THSD7A: variants seen among roughly 807,000 people sequenced by gnomAD.
THSD7A encodes thrombospondin type 1 domain containing 7A.
In THSD7A, 96 loss-of-function variants were observed where a neutral mutation model predicts 231.3. The observed-to-expected ratio is 0.41, with a 90% CI of 0.35 to 0.49. THSD7A has a LOEUF of 0.49. Among genes scored for constraint, THSD7A ranks in the 20% least tolerant of loss-of-function variants. The pLI is 0.05. For synonymous variants in THSD7A, 940 were observed against 743.3 expected (o/e 1.26, Z -4.30); for missense variants, 2,290 against 2,070.2 (o/e 1.11, Z -2.06).
intron 1 of THSD7A, among the ~76,000 whole-genome samples, chr7:11,712,205 T>C (rs1271608044): frequency 6.6e-6 from 1 of 151,072 alleles, no homozygotes; most frequent in Non-Finnish European, 1.5e-5. Flanking sequence ...GACAGCATGA[T>C]GCAAAATTAC....
At chr7:11,562,108 C>A (rs1790101756) in intron 4 of THSD7A, among the ~76,000 whole-genome samples, 1 of 152,132 alleles carries the variant, frequency 6.6e-6, no homozygotes. Context: ...AGTGCAGAAT[C>A]TGGTAGAGAT....
intron 17 of THSD7A, 59 bp from the exon 18 acceptor site, chr7:11,412,859 A>G: frequency 6.4e-7 from 1 of 1,558,776 alleles, no homozygotes; most frequent in South Asian, 1.2e-5. Flanking sequence ...CAACTGGTAT[A>G]TTAGAGACAG....
chr7:11,470,139 A>G, intron 8 of THSD7A, 145 bp from the exon 9 acceptor site: 1 of 640,620 alleles, frequency 1.6e-6, no homozygotes. Context: ...TCTTTCTGCT[A>G]CAGGCAAGAA....
chr7:11,705,324 A>G (rs1780729316), intron 1 of THSD7A, among the ~76,000 whole-genome samples: 1 of 151,096 alleles, frequency 6.6e-6, no homozygotes, highest in Non-Finnish European at 1.5e-5. Context: ...GAAATATAAT[A>G]TACAAAACTC....
chr7:11,382,679 T>A (rs527305978), intron 23 of THSD7A, 63 bp from the exon 24 acceptor site: 2 of 1,201,320 alleles, frequency 1.7e-6, no homozygotes, highest in South Asian at 1.3e-5. Context: ...ATCATGGGGA[T>A]AGAGTATTAA....
At chr7:11,666,185 C>T (rs551224995) in intron 1 of THSD7A, among the ~76,000 whole-genome samples, 62 of 151,584 alleles carry the variant, frequency 4.1e-4, no homozygotes, top group African/African-American at 1.1e-3. Flanking sequence ...TGCTTGGAGC[C>T]GGAGGTGTTT....
intron 1 of THSD7A, among the ~76,000 whole-genome samples, chr7:11,818,642 A>G (rs1229076772): frequency 2.6e-5 from 4 of 152,214 alleles, no homozygotes; most frequent in Non-Finnish European, 5.9e-5. Flanking sequence ...AAAGCAAGGA[A>G]AAGTAGATAT....
intron 1 of THSD7A, among the ~76,000 whole-genome samples, chr7:11,752,299 T>G (rs1459194697): frequency 2.6e-5 from 4 of 152,032 alleles, no homozygotes; most frequent in African/African-American, 9.7e-5. Flanking sequence ...GCCTCAGTAT[T>G]TTTCCATGCC....
At chr7:11,751,097 C>A (rs1446725435) in intron 1 of THSD7A, 2 of 152,038 alleles carry the variant, frequency 1.3e-5, no homozygotes, top group Non-Finnish European at 2.9e-5. Flanking sequence ...TGGCAAAGAA[C>A]AAGAAATACC....
At chr7:11,726,061 T>C (rs756716424) in intron 1 of THSD7A, among the ~76,000 whole-genome samples, 1 of 152,020 alleles carries the variant, frequency 6.6e-6, no homozygotes, top group African/African-American at 2.4e-5. Flanking sequence ...ATTTAAAAAA[T>C]AATTTACTTT....
At chr7:11,470,086 A>C in intron 8 of THSD7A, 92 bp from the exon 9 acceptor site, 1 of 865,420 alleles carries the variant, frequency 1.2e-6, no homozygotes, top group Admixed American at 2.1e-5. Flanking sequence ...GTAAAATTGC[A>C]AAACAAGTCA....
At chr7:11,427,407 C>T (rs1019174589) in intron 14 of THSD7A, among the ~76,000 whole-genome samples, 4 of 151,986 alleles carry the variant, frequency 2.6e-5, no homozygotes, top group African/African-American at 9.7e-5. Flanking sequence ...CAACCGATAC[C>T]AAGTCACAAT....
intron 14 of THSD7A, 131 bp from the exon 15 acceptor site, chr7:11,426,802 G>A (rs1784335468): frequency 1.1e-6 from 1 of 900,452 alleles, no homozygotes; most frequent in Non-Finnish European, 1.6e-6. Context: ...TACTTTTTTG[G>A]TAAAATATTA....
chr7:11,698,329 T>G (rs1780465433), intron 1 of THSD7A, among the ~76,000 whole-genome samples: 1 of 151,364 alleles, frequency 6.6e-6, no homozygotes, highest in East Asian at 2.0e-4. Flanking sequence ...AGTGAAGTTT[T>G]TTTTTTCATT....
chr7:11,580,891 A>T (rs1791130457), intron 4 of THSD7A, among the ~76,000 whole-genome samples: 1 of 152,206 alleles, frequency 6.6e-6, no homozygotes, highest in Non-Finnish European at 1.5e-5. Context: ...AACTTAAAAT[A>T]CAAATTAAAA....
At chr7:11,830,363 C>A (rs1785158067) in intron 1 of THSD7A, among the ~76,000 whole-genome samples, 1 of 152,184 alleles carries the variant, frequency 6.6e-6, no homozygotes, top group African/African-American at 2.4e-5. Flanking sequence ...CCATATGATA[C>A]CATTTAATGG....
chr7:11,505,953 T>C (rs1787527196), intron 6 of THSD7A, among the ~76,000 whole-genome samples: 1 of 152,198 alleles, frequency 6.6e-6, no homozygotes, highest in Non-Finnish European at 1.5e-5. Context: ...AAAGAGCACC[T>C]GTTTTTGAAA....
At chr7:11,810,998 T>C (rs997005318) in intron 1 of THSD7A, among the ~76,000 whole-genome samples, 1 of 152,174 alleles carries the variant, frequency 6.6e-6, no homozygotes, top group African/African-American at 2.4e-5. Flanking sequence ...CAGCAATACA[T>C]TTTTATTCAA....
At chr7:11,559,085 C>T in intron 4 of THSD7A, among the ~76,000 whole-genome samples, 1 of 152,232 alleles carries the variant, frequency 6.6e-6, no homozygotes, top group East Asian at 1.9e-4. Flanking sequence ...TTCCTAGAAG[C>T]TGGGAACAGT....
Sources: allele counts gnomAD v4.1 joint callset (sites outside exome capture counted in the v4.1 genomes callset), GRCh38; gene constraint gnomAD v4.1.1; transcripts MANE v1.5; gene names NCBI Gene and HGNC (gene_info 2026-07-23, HGNC 2026-07-21).